The following LTBP1 variants were observed in gnomAD, a reference collection of about 807,000 sequenced individuals.
LTBP1 encodes latent transforming growth factor beta binding protein 1, also known as latent-transforming growth factor beta-binding protein 1.
In LTBP1, 129 loss-of-function variants were observed where a neutral mutation model predicts 207.6. The observed-to-expected ratio is 0.62, with a 90% CI of 0.54 to 0.72. The LOEUF (loss-of-function observed/expected upper bound fraction) is 0.72, where lower values mean the gene tolerates loss of function less well. Ranked by LOEUF, LTBP1 falls within the 30% of genes least tolerant of loss-of-function variation. The pLI is 0.00. For missense variants in LTBP1, 2,281 were observed against 2,217.2 expected (o/e 1.03, Z -0.58); for synonymous variants, 963 against 833.7 (o/e 1.16, Z -2.67).
chr2:33,253,169 G>A (rs551415170), intron 11 of LTBP1, among the ~76,000 whole-genome samples: 7 of 152,228 alleles, frequency 4.6e-5, no homozygotes, highest in African/African-American at 1.4e-4. Context: ...TGGGCCATGC[G>A]CTTTCCTAAT....
chr2:33,380,965 G>A (rs17012916), intron 31 of LTBP1, among the ~76,000 whole-genome samples: 6,558 of 152,222 alleles, frequency 0.043, 137 homozygotes, highest in Non-Finnish European at 0.053. Flanking sequence ...GCTTCAGAGT[G>A]GTATTTAAAG....
At chr2:33,347,305 T>C in intron 25 of LTBP1, 62 bp from the exon 26 acceptor site, 17 of 1,598,044 alleles carry the variant, frequency 1.1e-5, no homozygotes, top group Non-Finnish European at 1.5e-5. Context: ...GCACAGCTGG[T>C]AAAATAGAGA....
In LTBP1 at chr2:32,992,636, G is replaced by A. The variant is rs79766353; in HGVS notation, c.566-28273G>A. 4.8e-4 allele frequency among the ~76,000 whole-genome samples: 73 copies of A among 152,242 alleles called. 2 individuals carry two copies. The East Asian group carries it at 0.01, about 21-fold the overall frequency. On this transcript the variant is annotated intron_variant, in intron 2 of 33. Coordinates refer to ENST00000404816, the MANE Select transcript of LTBP1 (RefSeq NM_206943.4). ...ATCCAAGTATTGCCACAGAGCTTCG[G>A]CATCTTAGTCTGAAAATGGAGATTT...
intron 5 of LTBP1, among the ~76,000 whole-genome samples, chr2:33,165,781 C>T (rs2084861751): frequency 6.6e-6 from 1 of 152,062 alleles, no homozygotes; most frequent in African/African-American, 2.4e-5. Context: ...TGTGAATCAC[C>T]TAGTAAAGTC....
chr2:32,982,030 G>T (rs546288981), intron 2 of LTBP1, among the ~76,000 whole-genome samples: 1 of 152,318 alleles, frequency 6.6e-6, no homozygotes, highest in South Asian at 2.1e-4. Flanking sequence ...TTGGAATTGG[G>T]TAACAGGCAA....
intron 5 of LTBP1, among the ~76,000 whole-genome samples, chr2:33,162,573 C>G (rs915787137): frequency 2.6e-5 from 4 of 152,210 alleles, no homozygotes; most frequent in African/African-American, 7.2e-5. Context: ...AAGATTCACT[C>G]TCTTTCACCT....
intron 10 of LTBP1, among the ~76,000 whole-genome samples, chr2:33,244,143 T>C (rs1161380324): frequency 6.6e-6 from 1 of 152,210 alleles, no homozygotes; most frequent in Non-Finnish European, 1.5e-5. Flanking sequence ...AAATACGGTA[T>C]TTTAAGCATT....
At position 33,188,737 on chromosome 2, in the gene LTBP1, G is replaced by A. The variant is rs766905038; in HGVS notation, c.1587G>A (p.Gln529=). Residue 529 remains glutamine (Q), a synonymous_variant, in exon 7 of 34, where the codon CAG becomes CAA. Coordinates refer to ENST00000404816, the MANE Select transcript of LTBP1 (RefSeq NM_206943.4). Reference sequence around the variant, plus strand: ...TCTCGTACCAAGGGCTTCCTGTCCAGAAGACCCAGACCATACATTCCACAT... The same window carrying A: ...TCTCGTACCAAGGGCTTCCTGTCCAAAAGACCCAGACCATACATTCCACAT... The part of the protein sequence containing the change: ...SQVSYQGLPV[Q]KTQTIHSTYS... The A allele has an allele frequency of 3.7e-6, 6 of 1,614,170 alleles. No homozygotes were observed. The highest frequency in any genetic ancestry group is 5.1e-6 in the Non-Finnish European group (6 of 1,180,038).
At chr2:33,324,344 C>T (rs1350840650) in intron 24 of LTBP1, among the ~76,000 whole-genome samples, 1 of 151,638 alleles carries the variant, frequency 6.6e-6, no homozygotes, top group Non-Finnish European at 1.5e-5. Context: ...TTAATTCTTA[C>T]TGTGCCTAAT....
intron 5 of LTBP1, among the ~76,000 whole-genome samples, chr2:33,156,197 A>G (rs1369065008): frequency 1.3e-5 from 2 of 152,244 alleles, no homozygotes; most frequent in Non-Finnish European, 2.9e-5. Context: ...GGCCAAGACC[A>G]CAGAGCAAGC....
At chr2:33,346,084 C>T (rs558234851) in intron 25 of LTBP1, among the ~76,000 whole-genome samples, 10 of 152,068 alleles carry the variant, frequency 6.6e-5, no homozygotes, top group Non-Finnish European at 1.5e-4. Flanking sequence ...AGAAGAAAAA[C>T]ATTTAGCAAA....
In LTBP1 at chr2:33,229,537, T is replaced by A. The variant is rs573874316; in HGVS notation, c.1876+7386T>A. On this transcript the variant is annotated intron_variant, in intron 9 of 33. Coordinates refer to ENST00000404816, the MANE Select transcript of LTBP1 (RefSeq NM_206943.4). ...GAGGGAGAGAAAGTTGTACAATACATTTCTTTTACTGGCTGATTAATGTTT... is the reference window on the plus strand; with the variant it reads ...GAGGGAGAGAAAGTTGTACAATACAATTCTTTTACTGGCTGATTAATGTTT... Among the ~76,000 whole-genome samples, 8 of 152,246 alleles carry A rather than the reference T, an allele frequency of 5.3e-5. No individual in the cohort carries two copies. The South Asian group carries it at 1.7e-3, about 32-fold the overall frequency.
At chr2:33,338,537 G>C (rs1403594704) in intron 24 of LTBP1, among the ~76,000 whole-genome samples, 1 of 152,130 alleles carries the variant, frequency 6.6e-6, no homozygotes, top group Non-Finnish European at 1.5e-5. Flanking sequence ...TCCTCACCCT[G>C]AGAAGGAGCC....
At chr2:33,121,159 C>CTTTTTTTTTTTTTTTTTTT (rs61065486) in intron 4 of LTBP1, among the ~76,000 whole-genome samples, 3 of 87,536 alleles carry the variant, frequency 3.4e-5, no homozygotes, top group Admixed American at 1.4e-4. Flanking sequence ...TTTGTAAAGT[C>CTTTTTTTTTTTTTTTTTTT]TTTTTTTTTT....
At chr2:32,992,166 A>G (rs1684516024) in intron 2 of LTBP1, among the ~76,000 whole-genome samples, 1 of 152,228 alleles carries the variant, frequency 6.6e-6, no homozygotes, top group Admixed American at 6.5e-5. Context: ...TGGGAGAGGT[A>G]GGGACACAAG....
intron 3 of LTBP1, among the ~76,000 whole-genome samples, chr2:33,072,514 C>T (rs976525076): frequency 3.3e-5 from 5 of 152,118 alleles, no homozygotes; most frequent in East Asian, 3.9e-4. Context: ...GGAAGGTCCT[C>T]GCATTTGTTC....
At chr2:33,350,406 T>C (rs1325390083) in intron 26 of LTBP1, among the ~76,000 whole-genome samples, 1 of 152,164 alleles carries the variant, frequency 6.6e-6, no homozygotes, top group African/African-American at 2.4e-5. Context: ...TAACAAGAGC[T>C]AGTCAGCAAA....
rs1177155618 is a variant in LTBP1, at chr2:32,948,876, G to C, written c.496G>C (p.Val166Leu). 1 of 1,614,028 alleles carries C rather than the reference G, an allele frequency of 6.2e-7. No homozygotes were observed. Among genetic ancestry groups the C allele is most frequent in the Non-Finnish European group, 8.5e-7 (1 of 1,180,002 alleles). Residue 166 changes from valine (V) to leucine (L), a missense_variant and splice_region_variant, in exon 2 of 34, where the codon GTC becomes CTC. Physicochemically the swap from Val to Leu is conservative, Grantham distance 32 (BLOSUM62 1). This residue lies in a region of LTBP1 where 555 missense variants were observed against 491.0 expected (regional missense o/e 1.13). Coordinates refer to ENST00000404816, the MANE Select transcript of LTBP1 (RefSeq NM_206943.4). ...CTCAGCGATCTTGCTTTGTTTCAGG[G>C]TCAATGTCTGTGGAGGGCGGTGCTG... ...QVHQKQQLQG[V>L]NVCGGRCCHG...
chr2:33,379,125 T>C (rs2150356565), intron 31 of LTBP1, among the ~76,000 whole-genome samples: 1 of 151,952 alleles, frequency 6.6e-6, no homozygotes. Flanking sequence ...TGAGCAGTTG[T>C]GCTGATTGTA....
Sources: allele counts gnomAD v4.1 joint callset (sites outside exome capture counted in the v4.1 genomes callset), GRCh38; gene constraint gnomAD v4.1.1; regional missense constraint gnomAD v4.1.1; transcripts MANE v1.5; gene names NCBI Gene and HGNC (gene_info 2026-07-23, HGNC 2026-07-21).